Variants in FAM186A observed in about 807,000 individuals in gnomAD.
The protein encoded by FAM186A is family with sequence similarity 186 member A.
In FAM186A, 163 loss-of-function variants were observed where a neutral mutation model predicts 216.8. That is an observed-to-expected ratio of 0.75 (90% CI 0.66 to 0.86). The LOEUF is 0.86. Ranked by LOEUF, FAM186A falls within the 40% of genes least tolerant of loss-of-function variation. FAM186A has a pLI of 0.00. For missense variants in FAM186A, 2,184 were observed against 2,746.2 expected, an observed-to-expected ratio of 0.80 and a Z score of 4.58; for synonymous variants, 805 against 1,025.3, an observed-to-expected ratio of 0.79 and a Z score of 4.10.
intron 7 of FAM186A, among the ~76,000 whole-genome samples, chr12:50,328,424 A>C (rs760285956): frequency 6.6e-6 from 1 of 152,186 alleles, no homozygotes; most frequent in Non-Finnish European, 1.5e-5. Context: ...CAACCAACAA[A>C]ATGATGATGT....
intron 1 of FAM186A, among the ~76,000 whole-genome samples, chr12:50,373,502 C>A (rs12582180): frequency 0.5 from 75,601 of 152,132 alleles, 22,241 homozygotes; most frequent in Non-Finnish European, 0.64. Context: ...GTCAGCGTTA[C>A]CCTGATATCA....
At position 50,353,535 on chromosome 12, in the gene FAM186A, G is replaced by GA. The variant is rs748041876; in HGVS notation, c.3296dup (p.Thr1100HisfsTer159). 37 of 1,536,484 alleles carry GA rather than the reference G, an allele frequency of 2.4e-5. No individual in the cohort carries two copies. The highest frequency in any genetic ancestry group is 3.1e-5 in the Non-Finnish European group (35 of 1,139,828). On this transcript the variant is annotated frameshift_variant, in exon 4 of 8. Transcript: ENST00000327337. LOFTEE classifies it high-confidence loss of function. ...CTAGTTCCTGGGCCTGCTGAAGGGT[G>GA]AGCGTGATCCCCTGAGCCTGGGCCT...
chr12:50,359,496 T>C (rs1490889264), intron 3 of FAM186A, among the ~76,000 whole-genome samples: 1 of 152,218 alleles, frequency 6.6e-6, no homozygotes, highest in African/African-American at 2.4e-5. Context: ...ACAGTCACTT[T>C]GGAAAACAGT....
chr12:50,351,176 G>A lies in FAM186A; in HGVS notation c.5656C>T (p.Gln1886Ter). ...SGPLTFSEQL[Q>*]EFQPPATAEQ... ...GCAGTGGCAGGAGGCTGGAATTCCTGGAGCTGCTCAGAGAAGGTTAAGGGT... is the reference window on the plus strand; with the variant it reads ...GCAGTGGCAGGAGGCTGGAATTCCTAGAGCTGCTCAGAGAAGGTTAAGGGT... Residue 1886 changes from glutamine to a stop codon, truncating the protein, a stop_gained, in exon 4 of 8, where the codon CAG becomes TAG. Transcript: ENST00000327337. LOFTEE classifies it high-confidence loss of function. 1 of 1,551,556 alleles carries A rather than the reference G, an allele frequency of 6.4e-7. No individual in the cohort carries two copies. The highest frequency in any genetic ancestry group is 1.4e-5 in the African/African-American group (1 of 73,114).
At chr12:50,363,643 T>A (rs1943058394) in intron 1 of FAM186A, among the ~76,000 whole-genome samples, 1 of 151,862 alleles carries the variant, frequency 6.6e-6, no homozygotes. Context: ...TGACTTTTAA[T>A]AAATCACGGC....
chr12:50,382,176 C>T (rs974098419), intron 1 of FAM186A, among the ~76,000 whole-genome samples: 20 of 146,472 alleles, frequency 1.4e-4, no homozygotes, highest in African/African-American at 4.9e-4. Context: ...CCATGGCTTT[C>T]GTTTTAAAGA....
At chr12:50,364,292 C>T (rs1301159556) in intron 1 of FAM186A, among the ~76,000 whole-genome samples, 2 of 152,114 alleles carry the variant, frequency 1.3e-5, no homozygotes, top group African/African-American at 4.8e-5. Flanking sequence ...CGGTGGCTCA[C>T]GCCTGTAATC....
chr12:50,385,972 G>C (rs1222743666), intron 1 of FAM186A, among the ~76,000 whole-genome samples: 1 of 151,968 alleles, frequency 6.6e-6, no homozygotes, highest in African/African-American at 2.4e-5. Context: ...GGCTGGGGAT[G>C]GGCAGATTGT....
chr12:50,351,164 G>C lies in FAM186A; in HGVS notation c.5668C>G (p.Pro1890Ala), dbSNP rs1282577221. The change falls in exon 4 of 8, where the codon CCT becomes GCT. Residue 1890 changes from proline to alanine, a missense_variant. By Grantham distance (27) the Pro-to-Ala change is conservative. This residue lies in a region of FAM186A where 721 missense variants were observed against 816.4 expected (regional missense o/e 0.88). Transcript: ENST00000327337. ...TFSEQLQEFQ[P>A]PATAEQSPYL... is the part of the protein sequence containing the mutation. ...GGAGATTGCTCAGCAGTGGCAGGAG[G>C]CTGGAATTCCTGGAGCTGCTCAGAG... 6.4e-7 allele frequency: 1 copy of C among 1,551,422 alleles called. No homozygotes were observed. The highest frequency in any genetic ancestry group is 8.7e-7 in the Non-Finnish European group (1 of 1,146,966).
In FAM186A at chr12:50,355,881, CT is replaced by C. The variant is rs1942970888; in HGVS notation, c.950del (p.Gln317ArgfsTer21). 6.4e-7 allele frequency: 1 copy of C among 1,551,122 alleles called. No homozygotes were observed. The highest frequency in any genetic ancestry group is 8.7e-7 in the Non-Finnish European group (1 of 1,146,948). Reference sequence around the variant, plus strand: ...TTTCTTCTGCATCTTGAAGTTTCTGCTGAAGCATTTCATTTTCGTTACTGAG... The same window carrying C: ...TTTCTTCTGCATCTTGAAGTTTCTGCGAAGCATTTCATTTTCGTTACTGAG... ...RDLSNENEML[Q>X]QKLQDAEEKC... On this transcript the variant is annotated frameshift_variant, in exon 4 of 8. Transcript: ENST00000327337. LOFTEE classifies it high-confidence loss of function.
In FAM186A at chr12:50,352,576, A is replaced by G. The variant is rs1459991042; in HGVS notation, c.4256T>C (p.Leu1419Ser). 15 of 1,520,730 alleles carry G rather than the reference A, an allele frequency of 9.9e-6. No individual in the cohort carries two copies. The highest frequency in any genetic ancestry group is 1.1e-5 in the Non-Finnish European group (12 of 1,131,722). The allele number at this position is 1,520,730 out of a possible 1,614,324, so 94.2% of individuals were successfully genotyped here. ...CTGCTGAGGGGTGAAAGGGATCCCC[A>G]ATTCCTGAGCCTGCTGAGGGGTGAG... ...IPLTPQQAQE[L>S]GIPFTPQQAQ... The change falls in exon 4 of 8, where the codon TTG becomes TCG. Residue 1419 changes from leucine (L) to serine (S), a missense_variant. Coordinates refer to ENST00000327337, the MANE Select transcript of FAM186A (RefSeq NM_001145475.3).
intron 1 of FAM186A, among the ~76,000 whole-genome samples, chr12:50,380,521 CAAAAAAAAAAAAAAAA>C (rs60955395): frequency 1.3e-5 from 1 of 76,442 alleles, no homozygotes; most frequent in Non-Finnish European, 2.6e-5. Flanking sequence ...ACTAAAAATA[CAAAAAAAAAAAAAAAA>C]AAAAAAAAAT....
rs1216118723 is a variant in FAM186A, at chr12:50,396,006, G to A, written c.192+287C>T. Among the ~76,000 whole-genome samples, 8 of 151,516 alleles carry A rather than the reference G, an allele frequency of 5.3e-5. No individual in the cohort carries two copies. The South Asian group carries it at 1.0e-3, about 20-fold the overall frequency. On this transcript the variant is annotated intron_variant, in intron 1 of 7. Transcript: ENST00000327337. Reference sequence around the variant, plus strand: ...CTTGAACTCCCGACCTCAGTGATCCGCCCGCCTCGGCCTCCCAAAGTGCTG... The same window carrying A: ...CTTGAACTCCCGACCTCAGTGATCCACCCGCCTCGGCCTCCCAAAGTGCTG...
chr12:50,396,503 T>C lies in FAM186A; in HGVS notation c.-19A>G. The stretch of plus-strand genomic sequence containing the variant: ...AGAACATTTTGAAAATGTGGGTGAT[T>C]TCGTTTTATTTCTTCTTTTTCACAG... On this transcript the variant is annotated 5_prime_UTR_variant, in exon 1 of 8. Transcript: ENST00000327337. The C allele has an allele frequency of 6.5e-7, 1 of 1,529,148 alleles. No individual in the cohort carries two copies. Among genetic ancestry groups the C allele is most frequent in the Non-Finnish European group, 8.8e-7 (1 of 1,138,140 alleles). The allele number at this position is 1,529,148 out of a possible 1,614,324, so 94.7% of individuals were successfully genotyped here.
intron 1 of FAM186A, among the ~76,000 whole-genome samples, chr12:50,392,227 T>G (rs1334036034): frequency 1.3e-5 from 2 of 152,134 alleles, no homozygotes; most frequent in Non-Finnish European, 2.9e-5. Flanking sequence ...AAAATCATTA[T>G]GTCGATGTGG....
chr12:50,373,951 C>A, intron 1 of FAM186A, among the ~76,000 whole-genome samples: 1 of 151,804 alleles, frequency 6.6e-6, no homozygotes, highest in African/African-American at 2.4e-5. Context: ...CACATATACA[C>A]CATGGAATAC....
intron 3 of FAM186A, among the ~76,000 whole-genome samples, chr12:50,356,632 C>T (rs1942979947): frequency 6.6e-6 from 1 of 152,122 alleles, no homozygotes; most frequent in Non-Finnish European, 1.5e-5. Flanking sequence ...CTTCTGCCTC[C>T]AGAGTTTAGG....
At chr12:50,379,472 ACAAAAAC>A (rs1236960813) in intron 1 of FAM186A, among the ~76,000 whole-genome samples, 4 of 115,840 alleles carry the variant, frequency 3.5e-5, no homozygotes, top group African/African-American at 1.3e-4. Context: ...AGAGGGAAAA[ACAAAAAC>A]AAAAACAAAA....
At chr12:50,395,074 C>A (rs919798029) in intron 1 of FAM186A, among the ~76,000 whole-genome samples, 9 of 151,890 alleles carry the variant, frequency 5.9e-5, no homozygotes, top group African/African-American at 2.2e-4. Context: ...TAATCAATTT[C>A]ATCAAACATG....
Sources: allele counts gnomAD v4.1 joint callset (sites outside exome capture counted in the v4.1 genomes callset), GRCh38; gene constraint gnomAD v4.1.1; regional missense constraint gnomAD v4.1.1; transcripts MANE v1.5; gene names NCBI Gene and HGNC (gene_info 2026-07-23, HGNC 2026-07-21).